Variants in PIK3C2B observed in about 807,000 individuals in gnomAD.
PIK3C2B encodes phosphatidylinositol 4-phosphate 3-kinase C2 domain-containing subunit beta.
A neutral mutation model predicts 184.3 loss-of-function variants in PIK3C2B; 83 were observed. The observed-to-expected ratio is 0.45, with a 90% confidence interval of 0.38 to 0.54. The LOEUF (loss-of-function observed/expected upper bound fraction) is 0.54. Ranked by LOEUF, PIK3C2B falls within the 20% of genes least tolerant of loss-of-function variation. The pLI is 0.00. For missense variants in PIK3C2B, 1,736 were observed against 2,113.5 expected, an observed-to-expected ratio of 0.82 and a Z score of 3.50; for synonymous variants, 779 against 837.6, an observed-to-expected ratio of 0.93 and a Z score of 1.21.
intron 1 of PIK3C2B, among the ~76,000 whole-genome samples, chr1:204,478,979 T>C (rs1164469139): frequency 1.3e-5 from 2 of 152,222 alleles, no homozygotes; most frequent in African/African-American, 2.4e-5. Flanking sequence ...TTGGAGATCA[T>C]AGCTCCTGCT....
intron 29 of PIK3C2B, 124 bp from the exon 30 acceptor site, chr1:204,428,344 A>G: frequency 1.6e-6 from 1 of 637,338 alleles, no homozygotes; most frequent in South Asian, 2.0e-5. Context: ...TGCAGTTCTT[A>G]TGTGGATTAT....
chr1:204,464,710 C>A, intron 3 of PIK3C2B, 106 bp from the exon 4 acceptor site: 1 of 1,078,008 alleles, frequency 9.3e-7, no homozygotes, highest in African/African-American at 1.6e-5. Context: ...CCTCTGTCCC[C>A]ACTCAGCCCA....
At position 204,447,357 on chromosome 1, in the gene PIK3C2B, T is replaced by C; in HGVS notation, c.2489+79A>G. The C allele has an allele frequency of 7.0e-7, 1 of 1,428,834 alleles. No individual in the cohort carries two copies. Among genetic ancestry groups the C allele is most frequent in the South Asian group, 1.3e-5 (1 of 78,546 alleles). The allele number at this position is 1,428,834 out of a possible 1,614,324, so 88.5% of individuals were successfully genotyped here. On this transcript the variant is annotated intron_variant, in intron 15 of 32. Coordinates refer to ENST00000684373, the MANE Select transcript of PIK3C2B (RefSeq NM_001377334.1). The surrounding 1 kb of genome is among the most constrained non-coding windows in gnomAD (Gnocchi z 4.1). The stretch of plus-strand genomic sequence containing the variant: ...AATGCCCACCCCTTCCCACCTCCAC[T>C]CCCAAAGCAGGAGGACGGAGACTCA...
intron 12 of PIK3C2B, 160 bp from the exon 13 acceptor site, chr1:204,450,177 A>G: frequency 1.6e-6 from 1 of 606,280 alleles, no homozygotes; most frequent in South Asian, 2.2e-5. Context: ...GAACCAGGAG[A>G]GGTCCCAAAC....
chr1:204,484,460 C>G (rs376843415), intron 1 of PIK3C2B, among the ~76,000 whole-genome samples: 1 of 152,078 alleles, frequency 6.6e-6, no homozygotes, highest in Non-Finnish European at 1.5e-5. Context: ...AGCTGATGGC[C>G]GGGCGCGGTG....
In PIK3C2B at chr1:204,472,297, G is replaced by A. The variant is rs375478785; in HGVS notation, c.-84-2411C>T. Among the ~76,000 whole-genome samples, 90 of 151,852 alleles carry A rather than the reference G, an allele frequency of 5.9e-4. No homozygotes were observed. The East Asian group carries it at 0.013, about 21-fold the overall frequency. On this transcript the variant is annotated intron_variant, in intron 1 of 32. Coordinates refer to ENST00000684373, the MANE Select transcript of PIK3C2B (RefSeq NM_001377334.1). ...TCCTGCCTCAGCCTCCCGAGTAGCT[G>A]GGACTACAGGCACCCGCCACCACAC... is the stretch of plus-strand genomic sequence containing the variant.
chr1:204,431,699 C>CGCAACT lies in PIK3C2B; in HGVS notation c.4244_4249dup (p.Leu1416_Arg1417insGlnLeu), dbSNP rs1389708236. ...CAAGTGGGAAGAAGGGAAGAGCAGCCGCAACTTATTGTGTAATTCCTGGAA... is the reference window on the plus strand; with the variant it reads ...CAAGTGGGAAGAAGGGAAGAGCAGCCGCAACTGCAACTTATTGTGTAATTCCTGGAA... On this transcript the variant is annotated inframe_insertion, in exon 28 of 33. Coordinates refer to ENST00000684373, the MANE Select transcript of PIK3C2B (RefSeq NM_001377334.1). 2 of 1,614,146 alleles carry CGCAACT rather than the reference C, an allele frequency of 1.2e-6. No homozygotes were observed. The highest frequency in any genetic ancestry group is 1.7e-6 in the Non-Finnish European group (2 of 1,180,026).
At chr1:204,479,597 G>C (rs1174343577) in intron 1 of PIK3C2B, among the ~76,000 whole-genome samples, 2 of 152,226 alleles carry the variant, frequency 1.3e-5, no homozygotes, top group Non-Finnish European at 2.9e-5. Context: ...AGAGGACACA[G>C]AAAATGGGTG....
chr1:204,469,273 G>A lies in PIK3C2B; in HGVS notation c.530C>T (p.Ser177Phe). Residue 177 changes from serine to phenylalanine, a missense_variant, in exon 2 of 33, where the codon TCC becomes TTC. Around this residue, in one of 8 missense-constraint regions of PIK3C2B, gnomAD observed 404 missense variants for 418.0 expected, o/e 0.97. Coordinates refer to ENST00000684373, the MANE Select transcript of PIK3C2B (RefSeq NM_001377334.1). ...DTPPLPPRKG[S>F]PSSSKISQPS... Reference sequence around the variant, plus strand: ...CTGGGAGATCTTGGAGGATGAGGGGGACCCCTTTCTGGGAGGCAGGGGAGG... The same window carrying A: ...CTGGGAGATCTTGGAGGATGAGGGGAACCCCTTTCTGGGAGGCAGGGGAGG... 6.4e-7 allele frequency: 1 copy of A among 1,554,338 alleles called. No homozygotes were observed. Among genetic ancestry groups the A allele is most frequent in the East Asian group, 2.3e-5 (1 of 44,370 alleles).
At chr1:204,449,369 C>G in intron 13 of PIK3C2B, 73 bp from the exon 14 acceptor site, 1 of 1,120,880 alleles carries the variant, frequency 8.9e-7, no homozygotes, top group Non-Finnish European at 1.3e-6. Context: ...TCCCCCAATC[C>G]AAAAATCTGC....
At chr1:204,458,973 C>T (rs1469328056) in intron 8 of PIK3C2B, among the ~76,000 whole-genome samples, 12 of 152,112 alleles carry the variant, frequency 7.9e-5, no homozygotes, top group Admixed American at 5.2e-4. Flanking sequence ...AAAAAGGAAG[C>T]GTTTATGACT....
intron 1 of PIK3C2B, among the ~76,000 whole-genome samples, chr1:204,478,972 G>C (rs1656921932): frequency 6.6e-6 from 1 of 152,192 alleles, no homozygotes; most frequent in South Asian, 2.1e-4. Context: ...AGAATCCTTG[G>C]AGATCATAGC....
At chr1:204,438,628 A>G (rs984745262) in intron 23 of PIK3C2B, among the ~76,000 whole-genome samples, 4 of 152,252 alleles carry the variant, frequency 2.6e-5, no homozygotes, top group Admixed American at 6.5e-5. Context: ...AAGAGGATCC[A>G]CAACTGGGAG....
intron 23 of PIK3C2B, among the ~76,000 whole-genome samples, chr1:204,436,660 A>T (rs1324244945): frequency 6.6e-6 from 1 of 152,228 alleles, no homozygotes; most frequent in East Asian, 1.9e-4. Context: ...TCTTCTGTAC[A>T]TTTATTTTTA....
intron 23 of PIK3C2B, chr1:204,435,233 T>C (rs538415548): frequency 3.9e-5 from 6 of 152,138 alleles, no homozygotes; most frequent in Non-Finnish European, 8.8e-5. Flanking sequence ...GTTGGTAAAA[T>C]ATGTTAGAGA....
rs1014880202 is a variant in PIK3C2B at position 204,424,914 on chromosome 1, C to G, written c.4843G>C (p.Asp1615His). Residue 1615 changes from aspartate (D) to histidine (H), a missense_variant, in exon 33 of 33, where the codon GAC (aspartate) becomes CAC (histidine). Transcript: ENST00000684373. ...GEVNIRLRELDLAQEKTGWFA... is the reference protein window; with the variant it reads ...GEVNIRLRELHLAQEKTGWFA... ...CAGCCGGTCTTCTCCTGAGCCAGGT[C>G]CAGCTCTCGCAGGCGGATGTTCACC... 3 of 1,614,224 alleles carry G rather than the reference C, an allele frequency of 1.9e-6. No individual in the cohort carries two copies. Among genetic ancestry groups the G allele is most frequent in the Non-Finnish European group, 2.5e-6 (3 of 1,180,040 alleles).
chr1:204,456,106 T>C (rs113578222), intron 10 of PIK3C2B, 55 bp from the exon 11 acceptor site: 1 of 1,470,088 alleles, frequency 6.8e-7, no homozygotes, highest in Non-Finnish European at 9.4e-7. Flanking sequence ...AAGCCCTACC[T>C]TGTTGCCATG....
Position 204,459,961 on chromosome 1 carries a change from A to G in PIK3C2B, c.1503-20T>C. ...GCCTGCCTGGGAGTTGGGGGCAGGGAAAAACCACAGGAGAGGTCATGAAAG... is the reference window on the plus strand; with the variant it reads ...GCCTGCCTGGGAGTTGGGGGCAGGGGAAAACCACAGGAGAGGTCATGAAAG... On this transcript the variant is annotated intron_variant, in intron 7 of 32. Coordinates refer to ENST00000684373, the MANE Select transcript of PIK3C2B (RefSeq NM_001377334.1). 1 of 1,610,174 alleles carries G rather than the reference A, an allele frequency of 6.2e-7. No individual in the cohort carries two copies. The highest frequency in any genetic ancestry group is 8.5e-7 in the Non-Finnish European group (1 of 1,177,126).
rs1572289377 is a variant in PIK3C2B, at chr1:204,433,960, G to A, written c.3687-11C>T. 1 of 1,612,844 alleles carries A rather than the reference G, an allele frequency of 6.2e-7. No homozygotes were observed. Among genetic ancestry groups the A allele is most frequent in the Non-Finnish European group, 8.5e-7 (1 of 1,179,318 alleles). Reference sequence around the variant, plus strand: ...AAGGGGGCACGGTCCCTGAGCCAAGGGGAACATACAGGTAGAAGGTCAACA... The same window carrying A: ...AAGGGGGCACGGTCCCTGAGCCAAGAGGAACATACAGGTAGAAGGTCAACA... On this transcript the variant is annotated splice_polypyrimidine_tract_variant and intron_variant, in intron 24 of 32. Transcript: ENST00000684373. The surrounding 1 kb of genome is among the most constrained non-coding windows in gnomAD (Gnocchi z 5.0).
Sources: gnomAD v4.1 joint callset for allele counts (sites outside exome capture counted in the v4.1 genomes callset) on GRCh38, gnomAD v4.1.1 for gene constraint, gnomAD v4.1.1 regional missense constraint, Gnocchi (gnomAD v3.1) non-coding constraint, MANE v1.5 for transcripts, NCBI Gene and HGNC (gene_info 2026-07-23, HGNC 2026-07-21) for gene names.